Variants in WDPCP observed in about 807,000 individuals in gnomAD.
The protein encoded by WDPCP is WD repeat-containing and planar cell polarity effector protein fritz homolog.
A neutral mutation model predicts 93.1 loss-of-function variants in WDPCP; 71 were observed. The observed-to-expected ratio is 0.76, with a 90% CI of 0.63 to 0.93. The LOEUF (loss-of-function observed/expected upper bound fraction) is 0.93. WDPCP is among the 40% of genes least tolerant of loss of function. WDPCP has a pLI of 0.00. For synonymous variants in WDPCP, 315 were observed against 315.0 expected, an observed-to-expected ratio of 1.00 and a Z score of 0.00; for missense variants, 844 against 887.4, an observed-to-expected ratio of 0.95 and a Z score of 0.62.
intron 2 of WDPCP, among the ~76,000 whole-genome samples, chr2:63,775,684 C>T (rs1462231750): frequency 6.6e-6 from 1 of 152,136 alleles, no homozygotes; most frequent in Non-Finnish European, 1.5e-5. Context: ...TAGAGTCTTT[C>T]TGGAACAAGG....
In WDPCP at chr2:63,421,287, T is replaced by G. The variant is rs79585084; in HGVS notation, c.825+12458A>C. On this transcript the variant is annotated intron_variant, in intron 9 of 17. Coordinates refer to ENST00000272321, the MANE Select transcript of WDPCP (RefSeq NM_015910.7). ...GTAAGTATAAGCATTTTCTTATGCATACTTTTGGGCATGTGAAAGTTACAA... is the reference window on the plus strand; with the variant it reads ...GTAAGTATAAGCATTTTCTTATGCAGACTTTTGGGCATGTGAAAGTTACAA... Among the ~76,000 whole-genome samples the G allele has an allele frequency of 1.5e-4, 23 of 152,318 alleles. No homozygotes were observed. In the East Asian group the frequency reaches 4.4e-3, roughly 29 times the overall value.
At chr2:63,599,713 C>A (rs1279259609) in intron 3 of WDPCP, 1 of 152,226 alleles carries the variant, frequency 6.6e-6, no homozygotes, top group African/African-American at 2.4e-5. Flanking sequence ...GCTAAGCCAT[C>A]AAATTCAGAT....
In WDPCP at chr2:63,655,457, ACT is replaced by A. The variant is rs1710157110; in HGVS notation, n.309-4621_309-4620del. ...ATATTTAAATAACACCTTGCTATACACTCTTCTATAATTTTTTTTGCTTAATC... is the reference window on the plus strand; with the variant it reads ...ATATTTAAATAACACCTTGCTATACACTTCTATAATTTTTTTTGCTTAATC... On this transcript the variant is annotated intron_variant and non_coding_transcript_variant, in intron 2 of 4. Coordinates refer to the WDPCP transcript ENST00000467687. 5.3e-5 allele frequency among the ~76,000 whole-genome samples: 8 copies of A among 151,508 alleles called. No homozygotes were observed. In the South Asian group the frequency reaches 1.7e-3, roughly 32 times the overall value.
intron 1 of WDPCP, among the ~76,000 whole-genome samples, chr2:63,514,126 C>T (rs1702409687): frequency 6.6e-6 from 1 of 151,988 alleles, no homozygotes; most frequent in Non-Finnish European, 1.5e-5. Context: ...GAAGCAAATA[C>T]CAGAAGAAAT....
chr2:63,762,019 T>C (rs1670062451), intron 2 of WDPCP, among the ~76,000 whole-genome samples: 3 of 152,170 alleles, frequency 2.0e-5, no homozygotes, highest in Non-Finnish European at 4.4e-5. Flanking sequence ...TTAGTAAAAG[T>C]CTTAGCGTGG....
intron 6 of WDPCP, among the ~76,000 whole-genome samples, chr2:63,466,655 T>C (rs1177599776): frequency 6.6e-6 from 1 of 152,238 alleles, no homozygotes; most frequent in Non-Finnish European, 1.5e-5. Context: ...AGTACAACTT[T>C]ACCCTCCCTT....
chr2:63,525,561 T>C (rs779750482), intron 1 of WDPCP, among the ~76,000 whole-genome samples: 6 of 152,210 alleles, frequency 3.9e-5, no homozygotes, highest in African/African-American at 7.2e-5. Context: ...TCCAAATCCA[T>C]TGTCTGCTCA....
intron 2 of WDPCP, among the ~76,000 whole-genome samples, chr2:63,674,932 T>C (rs1283349755): frequency 1.3e-5 from 2 of 152,210 alleles, no homozygotes; most frequent in Admixed American, 6.5e-5. Context: ...CAGGTATGTA[T>C]GTGTCTGTGA....
At chr2:63,355,890 AAAAC>A (rs1288512742) in intron 12 of WDPCP, among the ~76,000 whole-genome samples, 2 of 152,156 alleles carry the variant, frequency 1.3e-5, no homozygotes, top group East Asian at 1.9e-4. Flanking sequence ...TCTGTCTCAA[AAAAC>A]AAACAAACAA....
Position 63,448,562 on chromosome 2 carries a change from G to C in WDPCP, c.385-8691C>G, listed in dbSNP as rs559817477. 1.6e-4 allele frequency among the ~76,000 whole-genome samples: 25 copies of C among 152,126 alleles called. 2 individuals carry two copies. In the South Asian group the frequency reaches 5.2e-3, roughly 32 times the overall value. ...GCAGAAATCTCTTAGAGTGAGTACT[G>C]TTAAATTGTTACCATTATGTTTTGT... On this transcript the variant is annotated intron_variant, in intron 6 of 17. Coordinates refer to ENST00000272321, the MANE Select transcript of WDPCP (RefSeq NM_015910.7).
intron 1 of WDPCP, among the ~76,000 whole-genome samples, chr2:63,817,007 T>C (rs1447185212): frequency 6.6e-6 from 1 of 152,122 alleles, no homozygotes; most frequent in African/African-American, 2.4e-5. Context: ...ATGAAAGCAA[T>C]TTCTGGGGCA....
chr2:63,614,558 GTC>G (rs1465224166), intron 3 of WDPCP, among the ~76,000 whole-genome samples: 1 of 152,144 alleles, frequency 6.6e-6, no homozygotes, highest in African/African-American at 2.4e-5. Flanking sequence ...CAGAAGCAAA[GTC>G]TCTCTCTGAC....
intron 14 of WDPCP, among the ~76,000 whole-genome samples, chr2:63,242,671 T>G (rs565545715): frequency 6.6e-6 from 1 of 152,274 alleles, no homozygotes; most frequent in Non-Finnish European, 1.5e-5. Context: ...ACAGATGAAC[T>G]GCTAGCTGTC....
rs555179954 is a variant in WDPCP, at chr2:63,571,154, G to A, written c.75+17043C>T. Among the ~76,000 whole-genome samples the A allele has an allele frequency of 1.5e-4, 23 of 151,918 alleles. No homozygotes were observed. The East Asian group carries it at 2.1e-3, about 14-fold the overall frequency. On this transcript the variant is annotated intron_variant, in intron 1 of 17. Transcript: ENST00000272321. ...TCTCGATCTCCTGACCTCGTGATTC[G>A]CCTGCCTCGGCCTCCCAAAGTGCTG... is the stretch of plus-strand genomic sequence containing the variant.
intron 1 of WDPCP, among the ~76,000 whole-genome samples, chr2:63,504,810 G>T (rs1701766705): frequency 6.6e-6 from 1 of 152,078 alleles, no homozygotes; most frequent in African/African-American, 2.4e-5. Context: ...TTTTAAATTA[G>T]TATATCAATA....
chr2:63,643,872 C>T (rs900572501), intron 3 of WDPCP: 4 of 536,372 alleles, frequency 7.5e-6, no homozygotes, highest in East Asian at 5.0e-5. Context: ...TTTACTTCAT[C>T]TCCTGTCAAG....
At chr2:63,241,058 CAT>C (rs1057342607) in intron 14 of WDPCP, among the ~76,000 whole-genome samples, 2 of 152,080 alleles carry the variant, frequency 1.3e-5, no homozygotes, top group Non-Finnish European at 2.9e-5. Flanking sequence ...TCTTAATTAC[CAT>C]ATGTCACATT....
At chr2:63,445,790 G>A (rs888549175) in intron 6 of WDPCP, among the ~76,000 whole-genome samples, 1 of 151,978 alleles carries the variant, frequency 6.6e-6, no homozygotes, top group Admixed American at 6.5e-5. Context: ...TAAAGAGAAA[G>A]GCAAATCAGA....
intron 2 of WDPCP, among the ~76,000 whole-genome samples, chr2:63,690,371 T>C (rs1047465466): frequency 2.6e-5 from 4 of 152,280 alleles, no homozygotes; most frequent in Admixed American, 1.3e-4. Context: ...TAATCCCTAT[T>C]TAATTCCTGA....
Sources: allele counts gnomAD v4.1 joint callset (sites outside exome capture counted in the v4.1 genomes callset), GRCh38; gene constraint gnomAD v4.1.1; transcripts MANE v1.5; gene names NCBI Gene and HGNC (gene_info 2026-07-23, HGNC 2026-07-21).